Variants in UGT1A5 observed in about 807,000 individuals in gnomAD.
UGT1A5 encodes UDP glucuronosyltransferase family 1 member A5.
In UGT1A5, 29 loss-of-function variants were observed where a neutral mutation model predicts 40.3. That is an observed-to-expected ratio of 0.72 (90% CI 0.54 to 0.98). The LOEUF (loss-of-function observed/expected upper bound fraction) is 0.98. Among genes scored for constraint, UGT1A5 ranks in the 50% least tolerant of loss-of-function variants. The pLI, the probability that UGT1A5 is intolerant of heterozygous loss-of-function variation, is 0.00. For synonymous variants in UGT1A5, 257 were observed against 262.5 expected, an observed-to-expected ratio of 0.98 and a Z score of 0.20; for missense variants, 678 against 677.9, an observed-to-expected ratio of 1.00 and a Z score of 0.00.
chr2:233,766,905 T>C, intron 1 of UGT1A5, 129 bp from the exon 2 acceptor site: 15 of 1,501,130 alleles, frequency 1.0e-5, no homozygotes, highest in Non-Finnish European at 1.2e-5. Flanking sequence ...AATAATTTTT[T>C]ACTCTATCTC....
Position 233,755,064 on chromosome 2 carries a change from C to T in UGT1A5, c.868-11970C>T, listed in dbSNP as rs570313254. ...GCAGCCGCCCTCCGCCCTCGCCTCGCCATAGCGGTCATAGATATCGCGTTT... is the reference window on the plus strand; with the variant it reads ...GCAGCCGCCCTCCGCCCTCGCCTCGTCATAGCGGTCATAGATATCGCGTTT... On this transcript the variant is annotated intron_variant, in intron 1 of 4. Coordinates refer to ENST00000373414, the MANE Select transcript of UGT1A5 (RefSeq NM_019078.2). 1.3e-5 allele frequency: 17 copies of T among 1,335,842 alleles called. No homozygotes were observed. In the East Asian group the frequency reaches 3.2e-4, roughly 25 times the overall value. The allele number at this position is 1,335,842 out of a possible 1,614,324, so 82.7% of individuals were successfully genotyped here.
chr2:233,719,162 G>T (rs1279561037), intron 1 of UGT1A5: 6 of 1,614,136 alleles, frequency 3.7e-6, no homozygotes, highest in Non-Finnish European at 4.2e-6. Context: ...CTAGAAGTAT[G>T]GCAATTATGA....
At chr2:233,770,225 G>C (rs747501170) in intron 4 of UGT1A5, 1 of 152,132 alleles carries the variant, frequency 6.6e-6, no homozygotes, top group Admixed American at 6.5e-5. Flanking sequence ...CTGTCTGATT[G>C]TGAATCTCCA....
intron 1 of UGT1A5, among the ~76,000 whole-genome samples, chr2:233,756,911 G>A (rs1386201221): frequency 6.6e-6 from 1 of 152,014 alleles, no homozygotes; most frequent in African/African-American, 2.4e-5. Flanking sequence ...ACAAACTTCT[G>A]AGTTTATATA....
chr2:233,754,396 G>C (rs1026750148), intron 1 of UGT1A5: 23 of 330,472 alleles, frequency 7.0e-5, no homozygotes, highest in African/African-American at 4.7e-4. Context: ...GGTCCTATCC[G>C]TGCAGTCCCA....
At chr2:233,763,334 A>C (rs1454444157) in intron 1 of UGT1A5, among the ~76,000 whole-genome samples, 1 of 152,148 alleles carries the variant, frequency 6.6e-6, no homozygotes, top group Non-Finnish European at 1.5e-5. Flanking sequence ...TTTTGTTTAC[A>C]TTTCCCTAGC....
At chr2:233,743,600 C>A in intron 1 of UGT1A5, 2 of 1,367,332 alleles carry the variant, frequency 1.5e-6, no homozygotes, top group Non-Finnish European at 2.0e-6. Flanking sequence ...TGGGTCCTGG[C>A]CGCCGAAGAA....
At chr2:233,763,011 T>G (rs1346748254) in intron 1 of UGT1A5, among the ~76,000 whole-genome samples, 2 of 152,248 alleles carry the variant, frequency 1.3e-5, no homozygotes, top group Non-Finnish European at 2.9e-5. Flanking sequence ...TTTCATTATT[T>G]TGCATTATGT....
intron 1 of UGT1A5, chr2:233,729,462 A>G: frequency 2.5e-6 from 4 of 1,614,130 alleles, no homozygotes; most frequent in Non-Finnish European, 3.4e-6. Flanking sequence ...AATTTTTCAG[A>G]AGTATGGCAA....
chr2:233,755,236 G>A (rs1242283792), intron 1 of UGT1A5: 7 of 905,796 alleles, frequency 7.7e-6, no homozygotes, highest in East Asian at 5.0e-5. Context: ...GAGGCCTACC[G>A]GGGTACTCCC....
chr2:233,743,914 C>T lies in UGT1A5; in HGVS notation c.868-23120C>T, dbSNP rs201448352. On this transcript the variant is annotated intron_variant, in intron 1 of 4. Coordinates refer to ENST00000373414, the MANE Select transcript of UGT1A5 (RefSeq NM_019078.2). ...CGTCCAGCACCTCGTAGTAGTCCAC[C>T]ATGCTGGATGGCCAGAACGGCCCAC... is the stretch of plus-strand genomic sequence containing the variant. 797 of 1,364,624 alleles carry T rather than the reference C, an allele frequency of 5.8e-4. 20 individuals are homozygous for T. In the African/African-American group the frequency reaches 8.5e-3, roughly 15 times the overall value. The allele number at this position is 1,364,624 out of a possible 1,614,324, so 84.5% of individuals were successfully genotyped here.
intron 1 of UGT1A5, among the ~76,000 whole-genome samples, chr2:233,752,870 C>T (rs896364354): frequency 6.6e-6 from 1 of 152,212 alleles, no homozygotes; most frequent in Non-Finnish European, 1.5e-5. Flanking sequence ...TGTTAGCTTT[C>T]AACTGTTAAA....
rs561946796 is a variant in UGT1A5, at chr2:233,772,692, G to A, written c.*133G>A. Reference sequence around the variant, plus strand: ...TGCATAAATTAATCAGCCCCAGAGTGCTTTAAAAAATTCTCTTAAATAAAA... The same window carrying A: ...TGCATAAATTAATCAGCCCCAGAGTACTTTAAAAAATTCTCTTAAATAAAA... On this transcript the variant is annotated 3_prime_UTR_variant, in exon 5 of 5. Coordinates refer to ENST00000373414, the MANE Select transcript of UGT1A5 (RefSeq NM_019078.2). 1.0e-4 allele frequency: 156 copies of A among 1,485,828 alleles called. No homozygotes were observed. In the South Asian group the frequency reaches 1.7e-3, roughly 16 times the overall value. 92.0% of individuals were successfully genotyped at this position (1,485,828 alleles called of 1,614,324 possible). A position where few individuals can be genotyped will look rare whatever the true frequency, so the allele number is the denominator to read the frequency against.
At chr2:233,766,979 T>C in intron 1 of UGT1A5, 55 bp from the exon 2 acceptor site, 1 of 1,612,672 alleles carries the variant, frequency 6.2e-7, no homozygotes, top group Non-Finnish European at 8.5e-7. Flanking sequence ...TTACTGTATG[T>C]AGTCATCAAA....
At position 233,744,231 on chromosome 2, in the gene UGT1A5, C is replaced by A. The variant is rs577435617; in HGVS notation, c.868-22803C>A. Among the ~76,000 whole-genome samples the A allele has an allele frequency of 9.7e-4, 148 of 151,936 alleles. 3 individuals carry two copies. The highest frequency in any genetic ancestry group is 3.5e-3 in the African/African-American group (144 of 41,218). ...AAAGAGGTTGGGGAAAAGAGAGGGC[C>A]TTGACTTTGGCTGCCTGAAGAACTG... On this transcript the variant is annotated intron_variant, in intron 1 of 4. Transcript: ENST00000373414.
intron 1 of UGT1A5, among the ~76,000 whole-genome samples, chr2:233,746,037 G>T (rs1056217183): frequency 1.8e-4 from 28 of 151,826 alleles, no homozygotes; most frequent in Non-Finnish European, 4.1e-4. Flanking sequence ...CTTACTTGCT[G>T]GCTTGGATGC....
intron 1 of UGT1A5, among the ~76,000 whole-genome samples, chr2:233,714,428 C>T (rs2076386615): frequency 6.6e-6 from 1 of 152,106 alleles, no homozygotes; most frequent in African/African-American, 2.4e-5. Context: ...GAGAATGAAA[C>T]ACAGAGTTCA....
intron 1 of UGT1A5, among the ~76,000 whole-genome samples, chr2:233,714,749 T>G (rs1318708109): frequency 6.6e-6 from 1 of 152,248 alleles, no homozygotes. Flanking sequence ...AGCATATATT[T>G]GACACTTACA....
At chr2:233,730,860 C>A (rs1179282206) in intron 1 of UGT1A5, among the ~76,000 whole-genome samples, 1 of 152,164 alleles carries the variant, frequency 6.6e-6, no homozygotes, top group Non-Finnish European at 1.5e-5. Context: ...CAAACCCACC[C>A]TACTGCACTC....
Sources: gnomAD v4.1 joint callset for allele counts (sites outside exome capture counted in the v4.1 genomes callset) on GRCh38, gnomAD v4.1.1 for gene constraint, MANE v1.5 for transcripts, NCBI Gene and HGNC (gene_info 2026-07-23, HGNC 2026-07-21) for gene names.